Variants in HOMER2 observed in about 807,000 individuals in gnomAD.
HOMER2 encodes homer scaffold protein 2, also known as homer protein homolog 2.
A neutral mutation model predicts 47.0 loss-of-function variants in HOMER2; 27 were observed. The observed-to-expected ratio is 0.57, with a 90% CI of 0.42 to 0.79. The LOEUF (loss-of-function observed/expected upper bound fraction) is 0.79. Ranked by LOEUF, HOMER2 falls within the 30% of genes least tolerant of loss-of-function variation. The pLI, the probability that HOMER2 is intolerant of heterozygous loss-of-function variation, is 0.00. For missense variants in HOMER2, 443 were observed against 435.0 expected, an observed-to-expected ratio of 1.02 and a Z score of -0.16; for synonymous variants, 161 against 163.8, an observed-to-expected ratio of 0.98 and a Z score of 0.13.
At chr15:82,870,590 G>A (rs558949131) in intron 3 of HOMER2, among the ~76,000 whole-genome samples, 32 of 152,262 alleles carry the variant, frequency 2.1e-4, no homozygotes, top group South Asian at 1.9e-3. Flanking sequence ...ATTTAAGCAC[G>A]GTGATTAGGT....
intron 1 of HOMER2, among the ~76,000 whole-genome samples, chr15:82,947,822 T>C (rs2151232092): frequency 6.6e-6 from 1 of 152,316 alleles, no homozygotes; most frequent in East Asian, 1.9e-4. Flanking sequence ...TGGAGGCCTA[T>C]TTGGTGCCAG....
intron 1 of HOMER2, among the ~76,000 whole-genome samples, chr15:82,946,279 TAAC>T (rs549761211): frequency 9.4e-4 from 143 of 152,348 alleles, no homozygotes; most frequent in African/African-American, 3.3e-3. Flanking sequence ...TATTCTTTCC[TAAC>T]AACACTTGGA....
chr15:82,960,498 G>C (rs541325122), intron 1 of HOMER2, among the ~76,000 whole-genome samples: 14 of 152,136 alleles, frequency 9.2e-5, no homozygotes, highest in African/African-American at 2.9e-4. Flanking sequence ...GGGCCATTCT[G>C]TTCTAATGTG....
chr15:82,929,616 A>G (rs1289694425), intron 1 of HOMER2, among the ~76,000 whole-genome samples: 1 of 139,804 alleles, frequency 7.2e-6, no homozygotes, highest in Non-Finnish European at 1.5e-5. Context: ...AGATCGCGTC[A>G]CTGCACACTC....
rs756684841 is a variant in HOMER2, at chr15:82,854,799, C to T, written c.496G>A (p.Ala166Thr). The T allele has an allele frequency of 1.0e-5, 16 of 1,607,610 alleles. No homozygotes were observed. Among genetic ancestry groups the T allele is most frequent in the Admixed American group, 6.7e-5 (4 of 59,976 alleles). ...DKLKIALTQS[A>T]ANVKKWEIEL... ...ATCTCCCACTTCTTCACGTTGGCTGCGCTGCAGGACAGGGACGGGCGGTGA... is the reference window on the plus strand; with the variant it reads ...ATCTCCCACTTCTTCACGTTGGCTGTGCTGCAGGACAGGGACGGGCGGTGA... Residue 166 changes from alanine to threonine, a missense_variant and splice_region_variant, in exon 6 of 9, where the codon GCA (alanine) becomes ACA (threonine). Coordinates refer to ENST00000450735, the MANE Select transcript of HOMER2 (RefSeq NM_004839.4).
intron 1 of HOMER2, among the ~76,000 whole-genome samples, chr15:82,939,796 TG>T (rs1410876008): frequency 6.6e-6 from 1 of 152,182 alleles, no homozygotes; most frequent in African/African-American, 2.4e-5. Context: ...TCTCTTCAAC[TG>T]TGAAAATGGG....
chr15:82,864,435 G>C (rs1270888136), intron 3 of HOMER2, among the ~76,000 whole-genome samples, 176 bp from the exon 4 acceptor site: 1 of 152,078 alleles, frequency 6.6e-6, no homozygotes, highest in Admixed American at 6.6e-5. Flanking sequence ...AACAGCACTG[G>C]GCAAGGTCAG....
chr15:82,918,380 G>A (rs908707135), intron 1 of HOMER2, among the ~76,000 whole-genome samples: 8 of 152,132 alleles, frequency 5.3e-5, no homozygotes, highest in African/African-American at 1.9e-4. Flanking sequence ...TCTCAGGACA[G>A]TGTGATCATG....
chr15:82,879,542 T>A (rs915719099), intron 2 of HOMER2, among the ~76,000 whole-genome samples: 6 of 152,110 alleles, frequency 3.9e-5, no homozygotes, highest in Non-Finnish European at 8.8e-5. Flanking sequence ...TAGTTTGCAA[T>A]AGCATTGTCT....
chr15:82,939,909 C>T (rs192079764), intron 1 of HOMER2, among the ~76,000 whole-genome samples: 52 of 152,226 alleles, frequency 3.4e-4, no homozygotes, highest in African/African-American at 1.2e-3. Context: ...GAGTTCATGT[C>T]CTTTGTAGGG....
intron 1 of HOMER2, among the ~76,000 whole-genome samples, chr15:82,900,324 G>A (rs10906985): frequency 0.42 from 64,335 of 151,848 alleles, 13,913 homozygotes; most frequent in Non-Finnish European, 0.47. Flanking sequence ...AATAAATACA[G>A]TAAGAACAAA....
intron 1 of HOMER2, among the ~76,000 whole-genome samples, chr15:82,968,548 C>T (rs1050264286): frequency 1.3e-5 from 2 of 152,314 alleles, no homozygotes; most frequent in Admixed American, 6.5e-5. Flanking sequence ...GGCATCTTTC[C>T]AGAAATTAAA....
chr15:82,889,984 T>G (rs1304528841), intron 2 of HOMER2, among the ~76,000 whole-genome samples: 1 of 152,156 alleles, frequency 6.6e-6, no homozygotes, highest in South Asian at 2.1e-4. Context: ...TGTTCCCTCA[T>G]GGGATGCTTC....
chr15:82,871,117 C>T lies in HOMER2; in HGVS notation c.294+4156G>A, dbSNP rs139214237. Among the ~76,000 whole-genome samples, 85 of 152,292 alleles carry T rather than the reference C, an allele frequency of 5.6e-4. No individual in the cohort carries two copies. In the Middle Eastern group the frequency reaches 0.01, roughly 18 times the overall value. On this transcript the variant is annotated intron_variant, in intron 3 of 8. Transcript: ENST00000450735. ...ATGTCCTCTCCAGTGGGTGGACAGACGAGTCCCAGTTTACTTCTGAGAAAA... is the reference window on the plus strand; with the variant it reads ...ATGTCCTCTCCAGTGGGTGGACAGATGAGTCCCAGTTTACTTCTGAGAAAA...
At chr15:82,964,607 A>G (rs1358676792) in intron 1 of HOMER2, among the ~76,000 whole-genome samples, 1 of 152,160 alleles carries the variant, frequency 6.6e-6, no homozygotes, top group Non-Finnish European at 1.5e-5. Flanking sequence ...GTCTACTAAA[A>G]ATATGAAAAT....
chr15:82,860,141 G>A (rs895397783), intron 4 of HOMER2, among the ~76,000 whole-genome samples: 2 of 152,062 alleles, frequency 1.3e-5, no homozygotes, highest in African/African-American at 2.4e-5. Context: ...ACAGCTGCTC[G>A]GGAGGCTGAG....
chr15:82,881,609 G>A lies in HOMER2; in HGVS notation c.163-6205C>T, dbSNP rs946132407. Among the ~76,000 whole-genome samples, 14 of 152,162 alleles carry A rather than the reference G, an allele frequency of 9.2e-5. No homozygotes were observed. In the East Asian group the frequency reaches 2.7e-3, roughly 29 times the overall value. ...CCTTATGCTTGCTCCCTTAACAGAAGGTGCTCTGTATTTATTCAAAGGAGT... is the reference window on the plus strand; with the variant it reads ...CCTTATGCTTGCTCCCTTAACAGAAAGTGCTCTGTATTTATTCAAAGGAGT... On this transcript the variant is annotated intron_variant, in intron 2 of 8. Transcript: ENST00000450735.
At chr15:82,970,346 T>C (rs1007110881) in intron 1 of HOMER2, among the ~76,000 whole-genome samples, 1 of 152,214 alleles carries the variant, frequency 6.6e-6, no homozygotes, top group Non-Finnish European at 1.5e-5. Context: ...TTATCGCCAG[T>C]GATTTTATCA....
At chr15:82,922,576 A>C (rs2151176075) in intron 1 of HOMER2, among the ~76,000 whole-genome samples, 1 of 152,274 alleles carries the variant, frequency 6.6e-6, no homozygotes, top group East Asian at 1.9e-4. Flanking sequence ...GGCCACATTC[A>C]ATAGAAAGTT....
Sources: gnomAD v4.1 joint callset for allele counts (sites outside exome capture counted in the v4.1 genomes callset) on GRCh38, gnomAD v4.1.1 for gene constraint, MANE v1.5 for transcripts, NCBI Gene and HGNC (gene_info 2026-07-23, HGNC 2026-07-21) for gene names.